Variants in AMPH observed in about 807,000 individuals in gnomAD.
The protein encoded by AMPH is amphiphysin.
AMPH carries 49 observed loss-of-function variants against 99.1 expected under a neutral mutation model. The observed-to-expected ratio is 0.49, with a 90% CI of 0.39 to 0.63. The LOEUF is 0.63. AMPH is among the 20% of genes least tolerant of loss of function. The pLI is 0.00. For synonymous variants in AMPH, 314 were observed against 317.3 expected, an observed-to-expected ratio of 0.99 and a Z score of 0.11; for missense variants, 759 against 863.4, an observed-to-expected ratio of 0.88 and a Z score of 1.52.
At chr7:38,483,528 G>A (rs536031651) in intron 5 of AMPH, among the ~76,000 whole-genome samples, 7 of 152,102 alleles carry the variant, frequency 4.6e-5, no homozygotes, top group Non-Finnish European at 8.8e-5. Context: ...AAGAAAATGA[G>A]TCTTGCTTGT....
At chr7:38,556,506 C>T (rs141196927) in intron 1 of AMPH, among the ~76,000 whole-genome samples, 55 of 152,332 alleles carry the variant, frequency 3.6e-4, no homozygotes, top group Middle Eastern at 3.4e-3. Context: ...AAGGCCCTCA[C>T]TCACTGTAGT....
chr7:38,444,589 C>T (rs964546878), intron 11 of AMPH, among the ~76,000 whole-genome samples: 3 of 152,030 alleles, frequency 2.0e-5, no homozygotes, highest in Non-Finnish European at 2.9e-5. Flanking sequence ...CTTTCAGCAA[C>T]CACCAGAGGC....
intron 16 of AMPH, among the ~76,000 whole-genome samples, chr7:38,420,580 C>T (rs1785548116): frequency 1.3e-5 from 2 of 152,162 alleles, no homozygotes; most frequent in South Asian, 4.1e-4. Context: ...ACCAATTATT[C>T]CTTTAGAATA....
intron 1 of AMPH, among the ~76,000 whole-genome samples, chr7:38,611,879 C>A (rs1415326367): frequency 6.6e-6 from 1 of 152,066 alleles, no homozygotes; most frequent in Non-Finnish European, 1.5e-5. Flanking sequence ...TTATTAAAAC[C>A]TTGATTTTAC....
chr7:38,436,486 T>A, intron 11 of AMPH, 98 bp from the exon 12 acceptor site: 1 of 884,346 alleles, frequency 1.1e-6, no homozygotes, highest in Non-Finnish European at 1.8e-6. Flanking sequence ...ATATTATTAT[T>A]GAGTATCTCC....
At chr7:38,426,733 G>C (rs527264281) in intron 15 of AMPH, among the ~76,000 whole-genome samples, 1 of 152,158 alleles carries the variant, frequency 6.6e-6, no homozygotes, top group Non-Finnish European at 1.5e-5. Context: ...CTAGCCTGCT[G>C]GGCTAAACAC....
intron 2 of AMPH, among the ~76,000 whole-genome samples, chr7:38,530,104 A>T (rs1024342098): frequency 1.3e-5 from 2 of 152,338 alleles, no homozygotes; most frequent in African/African-American, 4.8e-5. Flanking sequence ...ACTCAAAGTG[A>T]TAATTTCTGC....
intron 2 of AMPH, among the ~76,000 whole-genome samples, chr7:38,517,949 C>A (rs566074928): frequency 9.3e-4 from 141 of 152,292 alleles, no homozygotes; most frequent in Middle Eastern, 6.8e-3. Context: ...ACAGTCTCAG[C>A]GCTCTAGAAG....
intron 5 of AMPH, among the ~76,000 whole-genome samples, chr7:38,485,176 T>C (rs1217388016): frequency 6.6e-6 from 1 of 151,936 alleles, no homozygotes; most frequent in Non-Finnish European, 1.5e-5. Context: ...TCAAAAGACA[T>C]AGAGTGGCTA....
chr7:38,504,607 C>A (rs59850056), intron 2 of AMPH, among the ~76,000 whole-genome samples: 10,300 of 152,166 alleles, frequency 0.068, 567 homozygotes, highest in East Asian at 0.26. Flanking sequence ...CCTATAGATA[C>A]CCTAACTGAA....
rs564705848 is a variant in AMPH at position 38,620,258 on chromosome 7, ACT to A, written c.69+11023_69+11024del. Among the ~76,000 whole-genome samples the A allele has an allele frequency of 3.9e-4, 58 of 147,022 alleles. 1 individual carries two copies. In the South Asian group the frequency reaches 0.012, roughly 32 times the overall value. ...AATTATATTTCTCTCTCGCTCGTTCACTCTCTCTCTCCTTCCCTCCTTCCCTC... is the reference window on the plus strand; with the variant it reads ...AATTATATTTCTCTCTCGCTCGTTCACTCTCTCTCCTTCCCTCCTTCCCTC... On this transcript the variant is annotated intron_variant, in intron 1 of 20. Transcript: ENST00000356264.
intron 17 of AMPH, among the ~76,000 whole-genome samples, chr7:38,415,399 C>T (rs1195294474): frequency 2.0e-5 from 3 of 152,126 alleles, no homozygotes; most frequent in Admixed American, 6.5e-5. Context: ...CGCTGACTGA[C>T]GACAACCACA....
intron 5 of AMPH, among the ~76,000 whole-genome samples, chr7:38,487,209 G>A (rs1788534654): frequency 6.6e-6 from 1 of 152,042 alleles, no homozygotes; most frequent in Non-Finnish European, 1.5e-5. Context: ...AAGAATAGTT[G>A]CAGGATACAA....
At chr7:38,481,330 T>C (rs1788275359) in intron 5 of AMPH, among the ~76,000 whole-genome samples, 1 of 152,058 alleles carries the variant, frequency 6.6e-6, no homozygotes, top group Non-Finnish European at 1.5e-5. Context: ...TAAATTTAAC[T>C]TACATTTCTT....
chr7:38,604,723 C>A (rs1313511460), intron 1 of AMPH, among the ~76,000 whole-genome samples: 2 of 152,184 alleles, frequency 1.3e-5, no homozygotes, highest in Non-Finnish European at 2.9e-5. Flanking sequence ...AGCTCTACAC[C>A]AAATGAACTA....
rs531070594 is a variant in AMPH at position 38,590,222 on chromosome 7, G to C, written c.69+41061C>G. 2.6e-5 allele frequency among the ~76,000 whole-genome samples: 4 copies of C among 152,294 alleles called. No individual in the cohort carries two copies. The South Asian group carries it at 8.3e-4, about 32-fold the overall frequency. ...AGAGAACCGTGGAACCCAGCGACTA[G>C]TGTTCAGCTTGATTAGGACGAACCC... is the stretch of plus-strand genomic sequence containing the variant. On this transcript the variant is annotated intron_variant, in intron 1 of 20. Coordinates refer to ENST00000356264, the MANE Select transcript of AMPH (RefSeq NM_001635.4).
At chr7:38,429,133 T>C (rs1247155733) in intron 14 of AMPH, 1 of 1,290,188 alleles carries the variant, frequency 7.8e-7, no homozygotes, top group Non-Finnish European at 1.0e-6. Flanking sequence ...GACTTCTTCA[T>C]ATCTTCATGA....
rs139940640 is a variant in AMPH, at chr7:38,391,884, G to C, written c.1742C>G (p.Thr581Arg). 259 of 1,612,730 alleles carry C rather than the reference G, an allele frequency of 1.6e-4. No individual in the cohort carries two copies. Among genetic ancestry groups the C allele is most frequent in the Middle Eastern group, 3.4e-4 (2 of 5,800 alleles). ...CTTCTGCTCCGTAGCCAGCTCCGGT[G>C]TCTCGCTGGTGGGGCCCGGAGGAGC... ...DAAPPGPTSETPELATEQKPI... is the reference protein window; with the variant it reads ...DAAPPGPTSERPELATEQKPI... Residue 581 changes from threonine to arginine, a missense_variant, in exon 19 of 21, where the codon ACA (threonine) becomes AGA (arginine). Around this residue, in one of 2 missense-constraint regions of AMPH, gnomAD observed 554 missense variants for 575.6 expected, o/e 0.96. Coordinates refer to ENST00000356264, the MANE Select transcript of AMPH (RefSeq NM_001635.4).
intron 11 of AMPH, among the ~76,000 whole-genome samples, chr7:38,459,189 T>C (rs767383314): frequency 2.0e-5 from 3 of 151,948 alleles, no homozygotes; most frequent in Non-Finnish European, 4.4e-5. Context: ...AAGATCTGTA[T>C]GAGGAAAACT....
Sources: allele counts gnomAD v4.1 joint callset (sites outside exome capture counted in the v4.1 genomes callset), GRCh38; gene constraint gnomAD v4.1.1; regional missense constraint gnomAD v4.1.1; transcripts MANE v1.5; gene names NCBI Gene and HGNC (gene_info 2026-07-23, HGNC 2026-07-21).